STK24: variants seen among roughly 807,000 people sequenced by gnomAD.
STK24 encodes the protein serine/threonine kinase 24.
STK24 carries 21 observed loss-of-function variants against 55.6 expected under a neutral mutation model. That is an observed-to-expected ratio of 0.38 (90% CI 0.27 to 0.54). STK24 has a LOEUF of 0.54. Among genes scored for constraint, STK24 ranks in the 20% least tolerant of loss-of-function variants. The pLI is 0.79. For synonymous variants in STK24, 200 were observed against 215.2 expected (o/e 0.93, Z 0.62); for missense variants, 383 against 538.4 (o/e 0.71, Z 2.86).
chr13:98,495,720 T>G (rs1232149415), intron 2 of STK24, among the ~76,000 whole-genome samples: 1 of 152,194 alleles, frequency 6.6e-6, no homozygotes, highest in Non-Finnish European at 1.5e-5. Context: ...AAGCAGATCT[T>G]TTATATTATC....
At chr13:98,475,659 G>A (rs1217498727) in intron 3 of STK24, among the ~76,000 whole-genome samples, 2 of 152,162 alleles carry the variant, frequency 1.3e-5, no homozygotes, top group Non-Finnish European at 1.5e-5. Flanking sequence ...CGACCCCCTG[G>A]CCATGGCAGG....
rs762632540 is a variant in STK24, at chr13:98,445,586, C to G, written c.*7587G>C. On this transcript the variant is annotated 3_prime_UTR_variant, in exon 11 of 11. Coordinates refer to ENST00000539966, the MANE Select transcript of STK24 (RefSeq NM_001032296.4). Reference sequence around the variant, plus strand: ...GGGTAGGGTGCCTGGCCCCTCAAAACGAGTGCTGCTCTGAGCTTGTTGGGA... The same window carrying G: ...GGGTAGGGTGCCTGGCCCCTCAAAAGGAGTGCTGCTCTGAGCTTGTTGGGA... The G allele has an allele frequency of 1.3e-5, 2 of 152,424 alleles. No homozygotes were observed. Among genetic ancestry groups the G allele is most frequent in the African/African-American group, 4.8e-5 (2 of 41,262 alleles). The allele number at this position is 152,424 out of a possible 1,614,324, so 9.4% of individuals were successfully genotyped here.
At chr13:98,528,803 T>C (rs1896502777) in intron 1 of STK24, among the ~76,000 whole-genome samples, 1 of 152,132 alleles carries the variant, frequency 6.6e-6, no homozygotes, top group Non-Finnish European at 1.5e-5. Context: ...TCTCTACGCT[T>C]TTCCATGAAA....
intron 1 of STK24, among the ~76,000 whole-genome samples, chr13:98,535,125 G>A (rs1381047435): frequency 1.3e-5 from 2 of 152,032 alleles, no homozygotes; most frequent in Non-Finnish European, 2.9e-5. Context: ...GGGGCAGGCG[G>A]ATCACCTGAG....
intron 1 of STK24, 45 bp downstream of exon 1, chr13:98,576,700 C>CCGGTCG: frequency 6.9e-7 from 1 of 1,442,314 alleles, no homozygotes. Context: ...GTTGCTGCTT[C>CCGGTCG]CGCCCCGGTC....
At chr13:98,507,374 G>A (rs1296513655) in intron 2 of STK24, among the ~76,000 whole-genome samples, 1 of 152,200 alleles carries the variant, frequency 6.6e-6, no homozygotes, top group African/African-American at 2.4e-5. Flanking sequence ...TAGCAAGACA[G>A]GCCTGCGGGC....
At chr13:98,478,490 A>G (rs1259693655) in intron 3 of STK24, among the ~76,000 whole-genome samples, 1 of 152,228 alleles carries the variant, frequency 6.6e-6, no homozygotes, top group Non-Finnish European at 1.5e-5. Flanking sequence ...ACAATGGCTG[A>G]AGACCAAGGG....
At chr13:98,494,411 T>TTAAAAAAAAAAAAAA (rs1212862168) in intron 2 of STK24, among the ~76,000 whole-genome samples, 1 of 9,150 alleles carries the variant, frequency 1.1e-4, no homozygotes, top group East Asian at 2.3e-3. Flanking sequence ...CAGACTCGTC[T>TTAAAAAAAAAAAAAA]CAAAAAAAAA....
intron 1 of STK24, among the ~76,000 whole-genome samples, chr13:98,527,466 A>G (rs1896464151): frequency 6.6e-6 from 1 of 152,212 alleles, no homozygotes; most frequent in Non-Finnish European, 1.5e-5. Context: ...GCGGGCCACC[A>G]GTGAGGACGA....
intron 2 of STK24, among the ~76,000 whole-genome samples, chr13:98,496,118 T>C (rs941975112): frequency 1.3e-5 from 2 of 152,222 alleles, no homozygotes; most frequent in Non-Finnish European, 2.9e-5. Context: ...GGTCTCCAGC[T>C]TCCCTGTGGG....
At chr13:98,473,296 G>A (rs993224942) in intron 5 of STK24, among the ~76,000 whole-genome samples, 3 of 139,406 alleles carry the variant, frequency 2.2e-5, no homozygotes, top group African/African-American at 8.1e-5. Flanking sequence ...AGGGAGAGAG[G>A]GAAATCTAAA....
At position 98,503,024 on chromosome 13, in the gene STK24, G is replaced by GTTTTTTT. The variant is rs398038978; in HGVS notation, c.273+16212_273+16218dup. Among the ~76,000 whole-genome samples, 36 of 107,046 alleles carry GTTTTTTT rather than the reference G, an allele frequency of 3.4e-4. 5 individuals are homozygous for GTTTTTTT. The highest frequency in any genetic ancestry group is 4.8e-4 in the African/African-American group (12 of 25,022). The allele number at this position is 107,046 out of a possible 152,430, so 70.2% of individuals were successfully genotyped here. A position where few individuals can be genotyped will look rare whatever the true frequency, so the allele number is the denominator to read the frequency against. ...AATATATTAGAAATACTTTCCATGT[G>GTTTTTTT]TTTTTTTTTTTTTTTTTCAGTATGG... On this transcript the variant is annotated intron_variant, in intron 2 of 10. Coordinates refer to ENST00000539966, the MANE Select transcript of STK24 (RefSeq NM_001032296.4).
Position 98,447,046 on chromosome 13 carries a change from C to T in STK24, c.*6127G>A, listed in dbSNP as rs1424731159. ...ACCCTGCACGGTGTTGGCTGAGGCC[C>T]TAGACATCTTGCTTGGAGATCTCTG... On this transcript the variant is annotated 3_prime_UTR_variant, in exon 11 of 11. Coordinates refer to ENST00000539966, the MANE Select transcript of STK24 (RefSeq NM_001032296.4). The T allele has an allele frequency of 3.9e-6, 2 of 510,418 alleles. No individual in the cohort carries two copies. The highest frequency in any genetic ancestry group is 3.8e-5 in the African/African-American group (2 of 52,174). The allele number at this position is 510,418 out of a possible 1,614,324, so 31.6% of individuals were successfully genotyped here.
In STK24 at chr13:98,449,680, A is replaced by G. The variant is rs1438171259; in HGVS notation, c.*3493T>C. The G allele has an allele frequency of 2.6e-5, 4 of 152,534 alleles. No homozygotes were observed. Among genetic ancestry groups the G allele is most frequent in the African/African-American group, 9.7e-5 (4 of 41,394 alleles). The allele number at this position is 152,534 out of a possible 1,614,324, so 9.4% of individuals were successfully genotyped here. On this transcript the variant is annotated 3_prime_UTR_variant, in exon 11 of 11. Transcript: ENST00000539966. ...GCCGTGTGTTAATCATTTGCCTTAC[A>G]AGATGTACCAGACGGTTTCCAGTAC...
chr13:98,551,051 C>T (rs1322142892), intron 1 of STK24, among the ~76,000 whole-genome samples: 5 of 152,046 alleles, frequency 3.3e-5, no homozygotes, highest in African/African-American at 9.7e-5. Context: ...CTTTGGGAGG[C>T]CGAGGTGGGT....
Position 98,448,246 on chromosome 13 carries a change from G to A in STK24, c.*4927C>T. 1 of 1,613,966 alleles carries A rather than the reference G, an allele frequency of 6.2e-7. No individual in the cohort carries two copies. Among genetic ancestry groups the A allele is most frequent in the Non-Finnish European group, 8.5e-7 (1 of 1,179,848 alleles). ...GTTCCCGTGTTGCAGGTGGATGGAA[G>A]TGATCCGCAGTGCCACCAGCTCTGC... On this transcript the variant is annotated 3_prime_UTR_variant, in exon 11 of 11. Coordinates refer to ENST00000539966, the MANE Select transcript of STK24 (RefSeq NM_001032296.4).
At chr13:98,562,782 G>A (rs1897459745) in intron 1 of STK24, among the ~76,000 whole-genome samples, 1 of 151,854 alleles carries the variant, frequency 6.6e-6, no homozygotes, top group Admixed American at 6.6e-5. Context: ...CGGACGTGGT[G>A]GCGGGCGCCT....
intron 5 of STK24, among the ~76,000 whole-genome samples, chr13:98,474,541 C>G (rs947950241): frequency 4.6e-5 from 7 of 152,164 alleles, no homozygotes; most frequent in East Asian, 1.9e-4. Flanking sequence ...CTCCCACCCC[C>G]CTCCAAACCC....
chr13:98,491,131 G>A (rs141848132), intron 2 of STK24, among the ~76,000 whole-genome samples: 153 of 152,244 alleles, frequency 1.0e-3, no homozygotes, highest in African/African-American at 3.5e-3. Context: ...CCACGTTCCC[G>A]TGAGCTGGGG....
Sources: allele counts gnomAD v4.1 joint callset (sites outside exome capture counted in the v4.1 genomes callset), GRCh38; gene constraint gnomAD v4.1.1; transcripts MANE v1.5; gene names NCBI Gene and HGNC (gene_info 2026-07-23, HGNC 2026-07-21).